The following SBNO2 variants were observed in gnomAD, a reference collection of about 807,000 sequenced individuals.
SBNO2 encodes strawberry notch homolog 2.
In SBNO2, 89 loss-of-function variants were observed where a neutral mutation model predicts 146.3. The ratio of observed to expected loss-of-function variants is 0.61; its 90% confidence interval spans 0.51 to 0.73. SBNO2 has a LOEUF of 0.73. Ranked by LOEUF, SBNO2 falls within the 30% of genes least tolerant of loss-of-function variation. The probability of loss-of-function intolerance (pLI) is 0.00; values close to 1 mark genes in which losing one functional copy is unlikely to be tolerated. For synonymous variants in SBNO2, 1,147 were observed against 892.6 expected, an observed-to-expected ratio of 1.29 and a Z score of -5.08; for missense variants, 2,092 against 2,003.7, an observed-to-expected ratio of 1.04 and a Z score of -0.84.
intron 4 of SBNO2, among the ~76,000 whole-genome samples, chr19:1,128,581 C>CG (rs2079994052): frequency 6.6e-6 from 1 of 151,650 alleles, no homozygotes; most frequent in Non-Finnish European, 1.5e-5. Context: ...TTAGTAGAGA[C>CG]GGGGTTTCAC....
intron 5 of SBNO2, among the ~76,000 whole-genome samples, chr19:1,125,189 A>G (rs1246185513): frequency 6.7e-6 from 1 of 149,382 alleles, no homozygotes; most frequent in Non-Finnish European, 1.5e-5. Context: ...CGTCTCTACT[A>G]AAGATACAAA....
At chr19:1,160,038 G>C (rs867045111) in intron 1 of SBNO2, among the ~76,000 whole-genome samples, 4 of 152,076 alleles carry the variant, frequency 2.6e-5, no homozygotes, top group Non-Finnish European at 5.9e-5. Flanking sequence ...CGCCTGCCCC[G>C]CCACGCGGCC....
At position 1,130,362 on chromosome 19, in the gene SBNO2, G is replaced by C. The variant is rs572828420; in HGVS notation, c.280-2597C>G. 5.3e-5 allele frequency among the ~76,000 whole-genome samples: 8 copies of C among 152,256 alleles called. No individual in the cohort carries two copies. The East Asian group carries it at 9.6e-4, about 18-fold the overall frequency. On this transcript the variant is annotated intron_variant, in intron 4 of 31. Transcript: ENST00000361757. ...GAAAAGTTAAAGTCAAGTCGGGCAG[G>C]GGGGAGCTCACGTCTGCTACTCAGG...
chr19:1,120,054 G>T (rs762517938), intron 11 of SBNO2, 31 bp from the exon 12 acceptor site: 2 of 1,531,852 alleles, frequency 1.3e-6, no homozygotes, highest in South Asian at 1.2e-5. Context: ...GGAGTATTCT[G>T]AAGGACGGGG....
intron 1 of SBNO2, among the ~76,000 whole-genome samples, chr19:1,171,214 C>T (rs4807633): frequency 0.25 from 37,786 of 151,980 alleles, 5,501 homozygotes; most frequent in East Asian, 0.46. Context: ...GCCACAGGCA[C>T]GCACATTCAC....
intron 4 of SBNO2, among the ~76,000 whole-genome samples, chr19:1,135,449 A>G (rs2080076647): frequency 6.6e-6 from 1 of 152,268 alleles, no homozygotes; most frequent in Non-Finnish European, 1.5e-5. Context: ...GAACAAGCAC[A>G]GACTCCGACT....
rs1010130146 is a variant in SBNO2 at position 1,109,065 on chromosome 19, G to C, written c.3425+70C>G. On this transcript the variant is annotated intron_variant, in intron 30 of 31. Transcript: ENST00000361757. This position sits in a 1 kb window ranked among gnomAD's most constrained non-coding sequence, Gnocchi z 4.2. ...ATCTCCCGCCTCCTCTCAGGGTCTC[G>C]GGAGCCCCCGATCCCCGCCTGGGTC... 1.2e-5 allele frequency: 19 copies of C among 1,526,580 alleles called. No individual in the cohort carries two copies. The highest frequency in any genetic ancestry group is 2.0e-5 in the Admixed American group (1 of 49,886). 94.6% of individuals were successfully genotyped at this position (1,526,580 alleles called of 1,614,324 possible).
intron 4 of SBNO2, among the ~76,000 whole-genome samples, chr19:1,130,888 G>C (rs1472876350): frequency 6.6e-6 from 1 of 152,162 alleles, no homozygotes; most frequent in African/African-American, 2.4e-5. Context: ...CCTGCTCCCC[G>C]TCCGGTCCTT....
rs2080171751 is a variant in SBNO2 at position 1,144,779 on chromosome 19, AAG to A, written c.279+2528_279+2529del. Among the ~76,000 whole-genome samples the A allele has an allele frequency of 7.2e-6, 1 of 139,036 alleles. No homozygotes were observed. The highest frequency in any genetic ancestry group is 1.6e-5 in the Non-Finnish European group (1 of 64,060). 91.2% of individuals were successfully genotyped at this position (139,036 alleles called of 152,430 possible). ...AGACAGAGAGACAGAGGCAGAGACA[AAG>A]AGACAGAGACAGAGAGGGAGACAGA... On this transcript the variant is annotated intron_variant, in intron 4 of 31. Coordinates refer to ENST00000361757, the MANE Select transcript of SBNO2 (RefSeq NM_014963.3). The surrounding 1 kb of genome is among the most constrained non-coding windows in gnomAD (Gnocchi z 4.1).
intron 13 of SBNO2, 112 bp downstream of exon 13, chr19:1,119,404 A>AC: frequency 1.1e-6 from 1 of 940,610 alleles, no homozygotes; most frequent in South Asian, 1.6e-5. Context: ...CACATTCAGC[A>AC]CCTCTGGGTG....
intron 18 of SBNO2, 113 bp from the exon 19 acceptor site, chr19:1,113,817 G>A: frequency 7.6e-7 from 1 of 1,314,806 alleles, no homozygotes; most frequent in Non-Finnish European, 9.8e-7. Flanking sequence ...CAACCCTGAG[G>A]GACGGCAGGG....
intron 2 of SBNO2, among the ~76,000 whole-genome samples, chr19:1,153,470 C>G (rs1475983789): frequency 1.3e-5 from 2 of 151,628 alleles, no homozygotes; most frequent in Non-Finnish European, 2.9e-5. Flanking sequence ...AACTCCTGAC[C>G]TCAAGTGATC....
At chr19:1,130,831 A>C (rs2080019979) in intron 4 of SBNO2, among the ~76,000 whole-genome samples, 1 of 152,186 alleles carries the variant, frequency 6.6e-6, no homozygotes, top group Non-Finnish European at 1.5e-5. Context: ...ATAATGAGGG[A>C]GTGCTTGCAG....
chr19:1,109,098 T>A lies in SBNO2; in HGVS notation c.3425+37A>T, dbSNP rs1478327933. ...CCGATCCCCGCCTGGGTCGCCGCCATCTGCCGGTTTCCCCCTGGTCCCCGG... is the reference window on the plus strand; with the variant it reads ...CCGATCCCCGCCTGGGTCGCCGCCAACTGCCGGTTTCCCCCTGGTCCCCGG... On this transcript the variant is annotated intron_variant, in intron 30 of 31. Transcript: ENST00000361757. The surrounding 1 kb of genome is among the most constrained non-coding windows in gnomAD (Gnocchi z 4.2). The A allele has an allele frequency of 6.5e-7, 1 of 1,544,428 alleles. No individual in the cohort carries two copies. The highest frequency in any genetic ancestry group is 1.4e-5 in the African/African-American group (1 of 72,848).
chr19:1,141,004 C>A (rs1008436638), intron 4 of SBNO2, among the ~76,000 whole-genome samples: 1 of 151,676 alleles, frequency 6.6e-6, no homozygotes, highest in Non-Finnish European at 1.5e-5. Context: ...AGAAGACACA[C>A]CCTGGAGAAG....
At chr19:1,122,852 C>G (rs1248928148) in intron 8 of SBNO2, 42 bp downstream of exon 8, 1 of 1,537,434 alleles carries the variant, frequency 6.5e-7, no homozygotes, top group Non-Finnish European at 8.7e-7. Flanking sequence ...CCCCAGGGGC[C>G]TCGCGGACAC....
At chr19:1,166,116 C>A (rs865785272) in intron 1 of SBNO2, among the ~76,000 whole-genome samples, 1,486 of 86,464 alleles carry the variant, frequency 0.017, 45 homozygotes, top group African/African-American at 0.065. Context: ...AGATCTCAGA[C>A]CCCAGATCCC....
rs1464168191 is a variant in SBNO2, at chr19:1,158,162, C to A, written c.-126-3760G>T. ...CCACGCTGTGCAGCAACAGCTCAGCCTCCTGATGTTCAGAACTGGCCACTG... is the reference window on the plus strand; with the variant it reads ...CCACGCTGTGCAGCAACAGCTCAGCATCCTGATGTTCAGAACTGGCCACTG... On this transcript the variant is annotated intron_variant, in intron 1 of 31. Coordinates refer to ENST00000361757, the MANE Select transcript of SBNO2 (RefSeq NM_014963.3). The surrounding 1 kb of genome is among the most constrained non-coding windows in gnomAD (Gnocchi z 9.9). 1.3e-5 allele frequency among the ~76,000 whole-genome samples: 2 copies of A among 152,178 alleles called. No individual in the cohort carries two copies. The highest frequency in any genetic ancestry group is 4.8e-5 in the African/African-American group (2 of 41,434).
chr19:1,122,619 C>CGA, intron 9 of SBNO2, 39 bp downstream of exon 9: 1 of 1,504,170 alleles, frequency 6.6e-7, no homozygotes, highest in Non-Finnish European at 8.9e-7. Flanking sequence ...TTCCGCCCCC[C>CGA]ACCCCCGCTC....
Sources: allele counts gnomAD v4.1 joint callset (sites outside exome capture counted in the v4.1 genomes callset), GRCh38; gene constraint gnomAD v4.1.1; non-coding constraint Gnocchi (gnomAD v3.1); transcripts MANE v1.5; gene names NCBI Gene and HGNC (gene_info 2026-07-23, HGNC 2026-07-21).